The following MT1X variants were observed in gnomAD, a reference collection of about 807,000 sequenced individuals.
The protein encoded by MT1X is metallothionein 1X.
A neutral mutation model predicts 8.6 loss-of-function variants in MT1X; 7 were observed. The ratio of observed to expected loss-of-function variants is 0.81; its 90% CI spans 0.46 to 1.52. MT1X has a LOEUF of 1.52. Ranked by LOEUF, MT1X falls within the 40% of genes most tolerant of loss-of-function variation. MT1X has a pLI of 0.01. For synonymous variants in MT1X, 25 were observed against 27.6 expected, an observed-to-expected ratio of 0.91 and a Z score of 0.30; for missense variants, 72 against 74.3, an observed-to-expected ratio of 0.97 and a Z score of 0.11.
In MT1X at chr16:56,683,174, G is replaced by C; in HGVS notation, c.38G>C (p.Cys13Ser). Residue 13 changes from cysteine (C) to serine (S), a missense_variant, in exon 2 of 3, where the codon TGT (cysteine) becomes TCT (serine). Cys to Ser is a moderately radical substitution (Grantham distance 112, BLOSUM62 -1). Coordinates refer to ENST00000394485, the MANE Select transcript of MT1X (RefSeq NM_005952.4). Reference sequence around the variant, plus strand: ...TTTCTCTTCCTTGCAGTTGGCTCCTGTGCCTGTGCCGGCTCCTGCAAATGC... The same window carrying C: ...TTTCTCTTCCTTGCAGTTGGCTCCTCTGCCTGTGCCGGCTCCTGCAAATGC... ...PNCSCSPVGS[C>S]ACAGSCKCKE... is the part of the protein sequence containing the mutation. The C allele has an allele frequency of 6.2e-7, 1 of 1,614,008 alleles. No homozygotes were observed. The highest frequency in any genetic ancestry group is 8.5e-7 in the Non-Finnish European group (1 of 1,179,922).
Position 56,683,160 on chromosome 16 carries a change from T to C in MT1X, c.29-5T>C. 6.2e-7 allele frequency: 1 copy of C among 1,613,848 alleles called. No homozygotes were observed. ...ACGCTCACTGCCTTTTTCTCTTCCT[T>C]GCAGTTGGCTCCTGTGCCTGTGCCG... On this transcript the variant is annotated splice_polypyrimidine_tract_variant and splice_region_variant and intron_variant, in intron 1 of 2. Coordinates refer to ENST00000394485, the MANE Select transcript of MT1X (RefSeq NM_005952.4).
chr16:56,682,816 G>A (rs1961017138), intron 1 of MT1X: 1 of 603,844 alleles, frequency 1.7e-6, no homozygotes. Context: ...GGGGGCTGCT[G>A]GCTGAGCCCC....
chr16:56,682,747 G>T, intron 1 of MT1X, 179 bp downstream of exon 1: 1 of 775,106 alleles, frequency 1.3e-6, no homozygotes, highest in Non-Finnish European at 2.1e-6. Flanking sequence ...GTGCCTCTAA[G>T]TTAGAGTTGA....
chr16:56,683,478 G>A (rs968046679), intron 2 of MT1X: 10 of 490,568 alleles, frequency 2.0e-5, no homozygotes, highest in Non-Finnish European at 2.9e-5. Flanking sequence ...GTGAACCTAG[G>A]TCTCCTGCCT....
At chr16:56,682,689 AG>A in intron 1 of MT1X, 121 bp downstream of exon 1, 2 of 1,253,152 alleles carry the variant, frequency 1.6e-6, no homozygotes, top group South Asian at 2.6e-5. Flanking sequence ...TTATTTCGTT[AG>A]GTGCTTTCTT....
intron 1 of MT1X, 188 bp from the exon 2 acceptor site, chr16:56,682,977 A>G: frequency 2.9e-6 from 2 of 699,562 alleles, no homozygotes; most frequent in South Asian, 3.8e-5. Flanking sequence ...GGTAAAAGCA[A>G]CAGAACACTT....
rs1289228013 is a variant in MT1X at position 56,684,019 on chromosome 16, G to A, written c.156G>A (p.Gly52=). The A allele has an allele frequency of 1.2e-6, 2 of 1,614,050 alleles. No individual in the cohort carries two copies. The highest frequency in any genetic ancestry group is 3.3e-5 in the Admixed American group (2 of 60,006). The change falls in exon 3 of 3, where the codon GGG becomes GGA. Residue 52 remains glycine, a synonymous_variant. Coordinates refer to ENST00000394485, the MANE Select transcript of MT1X (RefSeq NM_005952.4). ...AKCAQGCICK[G]TSDKCSCCA ...GTGCCCAGGGCTGCATCTGCAAAGG[G>A]ACGTCAGACAAGTGCAGCTGCTGTG... is the stretch of plus-strand genomic sequence containing the variant.
In MT1X at chr16:56,683,945, CCTT is replaced by C. The variant is rs768059538; in HGVS notation, c.95-7_95-5del. On this transcript the variant is annotated splice_polypyrimidine_tract_variant and intron_variant, in intron 2 of 2. Transcript: ENST00000394485. ...AGTCTGCTCTGACCTCTCACTCTCC[CCTT>C]CTTCTCCAGGCTGCTGCTCCTGCTG... The C allele has an allele frequency of 1.3e-4, 206 of 1,613,928 alleles. No homozygotes were observed. The highest frequency in any genetic ancestry group is 8.3e-4 in the Middle Eastern group (5 of 6,052).
At chr16:56,683,462 T>C in intron 2 of MT1X, 1 of 521,012 alleles carries the variant, frequency 1.9e-6, no homozygotes, top group East Asian at 3.6e-5. Flanking sequence ...GGAACAAAGC[T>C]GGAATGTGAA....
Position 56,684,124 on chromosome 16 carries a change from G to A in MT1X, c.*75G>A, listed in dbSNP as rs76188412. On this transcript the variant is annotated 3_prime_UTR_variant, in exon 3 of 3. Coordinates refer to ENST00000394485, the MANE Select transcript of MT1X (RefSeq NM_005952.4). ...CTGGATTTTTTTTTTTTTTTTTTTT[G>A]TACAACCCTGACCCGTTTGCTACAT... is the stretch of plus-strand genomic sequence containing the variant. 1.1e-5 allele frequency: 9 copies of A among 814,386 alleles called. No individual in the cohort carries two copies. The highest frequency in any genetic ancestry group is 8.0e-4 in the Middle Eastern group (2 of 2,514). The allele number at this position is 814,386 out of a possible 1,614,324, so 50.4% of individuals were successfully genotyped here.
intron 2 of MT1X, chr16:56,683,490 C>T (rs111866780): frequency 1.1e-5 from 5 of 471,194 alleles, no homozygotes; most frequent in African/African-American, 7.9e-5. Context: ...CTCCTGCCTC[C>T]TGATGCAGCC....
At position 56,682,487 on chromosome 16, in the gene MT1X, TCCCGC is replaced by T. The variant is rs1211027770; in HGVS notation, c.-53_-49del. 1 of 1,609,518 alleles carries T rather than the reference TCCCGC, an allele frequency of 6.2e-7. No individual in the cohort carries two copies. Among genetic ancestry groups the T allele is most frequent in the East Asian group, 2.2e-5 (1 of 44,858 alleles). On this transcript the variant is annotated 5_prime_UTR_variant, in exon 1 of 3. Transcript: ENST00000394485. Reference sequence around the variant, plus strand: ...TGGGCTCCACCACGCTTTTCATCTGTCCCGCTGCGTGTTTTCCTCTTGATCGGGAA... The same window carrying T: ...TGGGCTCCACCACGCTTTTCATCTGTTGCGTGTTTTCCTCTTGATCGGGAA...
At chr16:56,683,055 C>G (rs1961020152) in intron 1 of MT1X, 110 bp from the exon 2 acceptor site, 2 of 1,327,032 alleles carry the variant, frequency 1.5e-6, no homozygotes, top group African/African-American at 1.5e-5. Flanking sequence ...GAAAGGAGCT[C>G]TGGGGGCTGG....
chr16:56,682,687 T>G, intron 1 of MT1X, 119 bp downstream of exon 1: 1 of 1,262,914 alleles, frequency 7.9e-7, no homozygotes, highest in Non-Finnish European at 1.1e-6. Context: ...CTTTATTTCG[T>G]TAGGTGCTTT....
chr16:56,683,017 G>A (rs1434162867), intron 1 of MT1X, 148 bp from the exon 2 acceptor site: 3 of 919,264 alleles, frequency 3.3e-6, no homozygotes, highest in Non-Finnish European at 3.3e-6. Flanking sequence ...GAGAGGAGAT[G>A]GGGCTTCTCT....
Position 56,683,938 on chromosome 16 carries a change from A to G in MT1X, c.95-20A>G. On this transcript the variant is annotated intron_variant, in intron 2 of 2. Coordinates refer to ENST00000394485, the MANE Select transcript of MT1X (RefSeq NM_005952.4). ...CTGATTGAGTCTGCTCTGACCTCTC[A>G]CTCTCCCCTTCTTCTCCAGGCTGCT... 6.2e-7 allele frequency: 1 copy of G among 1,613,154 alleles called. No homozygotes were observed.
rs1961034478 is a variant in MT1X, at chr16:56,683,965, C to T, written c.102C>T (p.Cys34=). 6.2e-7 allele frequency: 1 copy of T among 1,614,162 alleles called. No individual in the cohort carries two copies. Among genetic ancestry groups the T allele is most frequent in the Non-Finnish European group, 8.5e-7 (1 of 1,180,002 alleles). ...TCTCCCCTTCTTCTCCAGGCTGCTG[C>T]TCCTGCTGCCCTGTGGGCTGTGCCA... is the stretch of plus-strand genomic sequence containing the variant. ...CKCTSCKKSC[C]SCCPVGCAKC... The change falls in exon 3 of 3, where the codon TGC becomes TGT. Residue 34 remains cysteine (C), a synonymous_variant. Coordinates refer to ENST00000394485, the MANE Select transcript of MT1X (RefSeq NM_005952.4).
Position 56,682,564 on chromosome 16 carries a change from G to T in MT1X, c.24G>T (p.Ser8=). Residue 8 remains serine, a synonymous_variant, in exon 1 of 3, where the codon TCG becomes TCT. Coordinates refer to ENST00000394485, the MANE Select transcript of MT1X (RefSeq NM_005952.4). ...AAATGGACCCCAACTGCTCCTGCTC[G>T]CCTGGTAAGGGACACCTAGCTCCGC... MDPNCSC[S]PVGSCACAGS... The T allele has an allele frequency of 1.2e-6, 2 of 1,614,182 alleles. No individual in the cohort carries two copies. Among genetic ancestry groups the T allele is most frequent in the East Asian group, 2.2e-5 (1 of 44,882 alleles).
In MT1X at chr16:56,682,498, G is replaced by A. The variant is rs762594264; in HGVS notation, c.-43G>A. On this transcript the variant is annotated 5_prime_UTR_variant, in exon 1 of 3. Coordinates refer to ENST00000394485, the MANE Select transcript of MT1X (RefSeq NM_005952.4). ...ACGCTTTTCATCTGTCCCGCTGCGT[G>A]TTTTCCTCTTGATCGGGAACTCCTG... 1 of 1,613,054 alleles carries A rather than the reference G, an allele frequency of 6.2e-7. No homozygotes were observed. Among genetic ancestry groups the A allele is most frequent in the Non-Finnish European group, 8.5e-7 (1 of 1,179,116 alleles).
Sources: gnomAD v4.1 joint callset for allele counts on GRCh38, gnomAD v4.1.1 for gene constraint, MANE v1.5 for transcripts, NCBI Gene and HGNC (gene_info 2026-07-23, HGNC 2026-07-21) for gene names.